The following TEX14 variants were observed in gnomAD, a reference collection of about 807,000 sequenced individuals.
The protein encoded by TEX14 is testis expressed 14, intercellular bridge forming factor.
A neutral mutation model predicts 178.6 loss-of-function variants in TEX14; 168 were observed. The ratio of observed to expected loss-of-function variants is 0.94; its 90% CI spans 0.83 to 1.07. The LOEUF is 1.07. Among genes scored for constraint, TEX14 ranks in the 50% least tolerant of loss-of-function variants. TEX14 has a pLI of 0.00. For missense variants in TEX14, 1,730 were observed against 1,753.6 expected (o/e 0.99, Z 0.24); for synonymous variants, 626 against 634.1 (o/e 0.99, Z 0.19).
intron 2 of TEX14, among the ~76,000 whole-genome samples, chr17:58,641,586 C>T (rs1052878022): frequency 2.6e-5 from 4 of 151,348 alleles, no homozygotes; most frequent in African/African-American, 9.7e-5. Flanking sequence ...CTGCAACCTC[C>T]CACTCCCAGG....
intron 2 of TEX14, among the ~76,000 whole-genome samples, chr17:58,632,660 G>GT (rs1476070928): frequency 6.6e-6 from 1 of 152,146 alleles, no homozygotes; most frequent in African/African-American, 2.4e-5. Context: ...GCCTGCAAAC[G>GT]TAACCGCACA....
At chr17:58,565,726 C>A in intron 27 of TEX14, 21 bp downstream of exon 27, 1 of 1,579,914 alleles carries the variant, frequency 6.3e-7, no homozygotes, top group Non-Finnish European at 8.7e-7. Context: ...CTGATGAAAA[C>A]AATCTAGGTA....
At chr17:58,680,787 T>C (rs1321740583) in intron 1 of TEX14, among the ~76,000 whole-genome samples, 1 of 151,968 alleles carries the variant, frequency 6.6e-6, no homozygotes, top group Non-Finnish European at 1.5e-5. Flanking sequence ...AGTTTCAGAG[T>C]TAACAGTGTT....
chr17:58,632,138 C>G (rs529940964), intron 2 of TEX14, among the ~76,000 whole-genome samples: 2 of 152,244 alleles, frequency 1.3e-5, no homozygotes, highest in Non-Finnish European at 2.9e-5. Flanking sequence ...CGCCGGAGCG[C>G]CAGAAACCGT....
intron 2 of TEX14, among the ~76,000 whole-genome samples, chr17:58,642,784 C>T (rs1347194292): frequency 6.6e-6 from 1 of 152,158 alleles, no homozygotes; most frequent in Non-Finnish European, 1.5e-5. Context: ...CTCTCACCAT[C>T]CATCCCTTGG....
At chr17:58,623,311 G>A (rs16943142) in intron 3 of TEX14, among the ~76,000 whole-genome samples, 1,704 of 152,172 alleles carry the variant, frequency 0.011, 36 homozygotes, top group African/African-American at 0.039. Context: ...TTCATTCCCA[G>A]GCATAGATCT....
At chr17:58,577,855 C>CT (rs2044716920) in intron 20 of TEX14, among the ~76,000 whole-genome samples, 1 of 152,248 alleles carries the variant, frequency 6.6e-6, no homozygotes, top group Non-Finnish European at 1.5e-5. Flanking sequence ...GCCCCGAACT[C>CT]TAACTATGCC....
At position 58,572,044 on chromosome 17, in the gene TEX14, G is replaced by C; in HGVS notation, c.3594C>G (p.Cys1198Trp). ...TFQVKTEFAS[C>W]WNSQEFIQTL... ...TTTGAATAAATTCTTGACTGTTCCA[G>C]CAAGAGGCAAACTCTGTCTTAACCT... The change falls in exon 24 of 32, where the codon TGC becomes TGG. Residue 1198 changes from cysteine (C) to tryptophan (W), a missense_variant. Coordinates refer to ENST00000349033, the MANE Select transcript of TEX14 (RefSeq NM_031272.5). The C allele has an allele frequency of 6.2e-7, 1 of 1,613,942 alleles. No homozygotes were observed. The highest frequency in any genetic ancestry group is 8.5e-7 in the Non-Finnish European group (1 of 1,179,852).
At chr17:58,589,413 T>G (rs2045066269) in intron 15 of TEX14, among the ~76,000 whole-genome samples, 1 of 149,910 alleles carries the variant, frequency 6.7e-6, no homozygotes, top group Non-Finnish European at 1.5e-5. Context: ...ATACAAAAAA[T>G]TAGCTGGGCA....
chr17:58,626,925 T>C (rs944426917), intron 3 of TEX14, among the ~76,000 whole-genome samples: 4 of 152,128 alleles, frequency 2.6e-5, no homozygotes, highest in African/African-American at 9.7e-5. Flanking sequence ...CTTGATCAGA[T>C]AAAAATTTTT....
intron 3 of TEX14, among the ~76,000 whole-genome samples, chr17:58,624,554 CTGG>C (rs2046091114): frequency 6.6e-6 from 1 of 151,812 alleles, no homozygotes; most frequent in Non-Finnish European, 1.5e-5. Flanking sequence ...GTTGGCCAGG[CTGG>C]TCTCGAACTC....
At chr17:58,677,745 T>C (rs998764268) in intron 1 of TEX14, 3 of 152,182 alleles carry the variant, frequency 2.0e-5, no homozygotes, top group African/African-American at 7.2e-5. Flanking sequence ...GTGGAAGGCA[T>C]GGTTGTTGCC....
intron 3 of TEX14, among the ~76,000 whole-genome samples, chr17:58,623,414 T>C (rs1207806420): frequency 3.9e-5 from 6 of 152,088 alleles, no homozygotes; most frequent in Non-Finnish European, 5.9e-5. Context: ...ATCAGGCTAG[T>C]CAAGCACAGC....
At chr17:58,601,747 A>T (rs896834165) in intron 13 of TEX14, 59 bp downstream of exon 13, 2 of 1,518,244 alleles carry the variant, frequency 1.3e-6, no homozygotes, top group Non-Finnish European at 1.8e-6. Context: ...GTTGCAGCTC[A>T]TGTGACTCTC....
chr17:58,630,582 A>C (rs2046264942), intron 2 of TEX14, 28 bp from the exon 3 acceptor site: 2 of 1,521,756 alleles, frequency 1.3e-6, no homozygotes, highest in East Asian at 4.5e-5. Context: ...GAATCAATGC[A>C]AATATCAGAA....
At chr17:58,565,115 G>A (rs1598342250) in intron 27 of TEX14, 147 bp from the exon 28 acceptor site, 2 of 457,458 alleles carry the variant, frequency 4.4e-6, no homozygotes, top group Non-Finnish European at 7.7e-6. Flanking sequence ...AGAGCAGGGG[G>A]CCAGGTGGCA....
intron 15 of TEX14, among the ~76,000 whole-genome samples, 155 bp downstream of exon 15, chr17:58,593,400 A>T (rs35867543): frequency 0.042 from 6,366 of 152,076 alleles, 197 homozygotes; most frequent in Non-Finnish European, 0.062. Context: ...TGCTCTTCCT[A>T]CTCACTCAGT....
intron 1 of TEX14, among the ~76,000 whole-genome samples, chr17:58,677,183 A>G (rs1373391597): frequency 6.6e-6 from 1 of 151,962 alleles, no homozygotes; most frequent in East Asian, 1.9e-4. Flanking sequence ...GCTACTTGGA[A>G]GGCTGAGGCA....
chr17:58,662,131 A>C (rs981270341), intron 1 of TEX14, among the ~76,000 whole-genome samples: 1 of 147,048 alleles, frequency 6.8e-6, no homozygotes, highest in South Asian at 2.5e-4. Context: ...GTGAGCCACC[A>C]CGCCTGGCCT....
Sources: allele counts gnomAD v4.1 joint callset (sites outside exome capture counted in the v4.1 genomes callset), GRCh38; gene constraint gnomAD v4.1.1; transcripts MANE v1.5; gene names NCBI Gene and HGNC (gene_info 2026-07-23, HGNC 2026-07-21).